PID1: variants seen among roughly 807,000 people sequenced by gnomAD.
The protein encoded by PID1 is PTB-containing, cubilin and LRP1-interacting protein.
A neutral mutation model predicts 19.1 loss-of-function variants in PID1; 10 were observed. That is an observed-to-expected ratio of 0.52 (90% CI 0.32 to 0.89). The LOEUF (loss-of-function observed/expected upper bound fraction) is 0.89, where lower values mean the gene tolerates loss of function less well. Among genes scored for constraint, PID1 ranks in the 40% least tolerant of loss-of-function variants. The probability of loss-of-function intolerance (pLI) is 0.03; values close to 1 mark genes in which losing one functional copy is unlikely to be tolerated. For synonymous variants in PID1, 130 were observed against 116.0 expected (o/e 1.12, Z -0.78); for missense variants, 248 against 285.3 (o/e 0.87, Z 0.94).
At chr2:229,265,337 T>C (rs1690567806) in intron 1 of PID1, among the ~76,000 whole-genome samples, 1 of 152,220 alleles carries the variant, frequency 6.6e-6, no homozygotes, top group South Asian at 2.1e-4. Context: ...TGGAAGAGCA[T>C]GTCAAGATGC....
intron 2 of PID1, among the ~76,000 whole-genome samples, chr2:229,115,792 T>C (rs1224084501): frequency 6.6e-6 from 1 of 152,200 alleles, no homozygotes; most frequent in African/African-American, 2.4e-5. Flanking sequence ...AACTTGGCAA[T>C]ACAGAAACAG....
At chr2:229,075,463 T>C (rs1265033087) in intron 2 of PID1, among the ~76,000 whole-genome samples, 1 of 152,160 alleles carries the variant, frequency 6.6e-6, no homozygotes, top group African/African-American at 2.4e-5. Flanking sequence ...ACTACTTTTA[T>C]AGAAAAAAAC....
At chr2:229,073,315 G>A (rs899517195) in intron 2 of PID1, among the ~76,000 whole-genome samples, 31 of 152,250 alleles carry the variant, frequency 2.0e-4, no homozygotes, top group African/African-American at 6.0e-4. Flanking sequence ...GTGAGCCACC[G>A]CGCCCAGCCA....
chr2:229,263,044 A>G (rs965085613), intron 1 of PID1, among the ~76,000 whole-genome samples: 5 of 152,246 alleles, frequency 3.3e-5, no homozygotes, highest in African/African-American at 1.2e-4. Flanking sequence ...TTTTAGGGGA[A>G]CACAATTCAA....
At chr2:229,259,451 T>C (rs1690400706) in intron 1 of PID1, among the ~76,000 whole-genome samples, 1 of 152,238 alleles carries the variant, frequency 6.6e-6, no homozygotes, top group South Asian at 2.1e-4. Flanking sequence ...CTCTGGGATG[T>C]AATGAATATG....
At chr2:229,204,398 T>C (rs1189071280) in intron 1 of PID1, among the ~76,000 whole-genome samples, 2 of 152,120 alleles carry the variant, frequency 1.3e-5, no homozygotes, top group South Asian at 2.1e-4. Context: ...ACTAAGTTAA[T>C]AGTTTGAAAC....
intron 2 of PID1, among the ~76,000 whole-genome samples, chr2:229,101,465 C>CT (rs1474439481): frequency 1.3e-5 from 2 of 152,230 alleles, no homozygotes; most frequent in African/African-American, 4.8e-5. Context: ...GCACAGCACA[C>CT]TGCCATGCCT....
intron 1 of PID1, among the ~76,000 whole-genome samples, chr2:229,268,718 C>T (rs1274039457): frequency 6.6e-6 from 1 of 152,106 alleles, no homozygotes. Flanking sequence ...GTTTCCTATC[C>T]AGCATGATAT....
intron 1 of PID1, among the ~76,000 whole-genome samples, chr2:229,187,545 G>A (rs1049313032): frequency 2.6e-5 from 4 of 152,046 alleles, no homozygotes; most frequent in Non-Finnish European, 4.4e-5. Context: ...TCACTACCAC[G>A]AGAATAGCAT....
intron 1 of PID1, among the ~76,000 whole-genome samples, chr2:229,183,682 G>T (rs923783245): frequency 2.0e-5 from 3 of 151,892 alleles, no homozygotes; most frequent in African/African-American, 7.3e-5. Context: ...TTTTGAGACC[G>T]CTGGCTTTTG....
In PID1 at chr2:229,063,016, T is replaced by G. The variant is rs1334740586; in HGVS notation, c.178-36908A>C. ...TCATTTATTTGAGTATTCTCTCTTT[T>G]TTCTTAGTCTGGCTAAAGGTTTATT... is the stretch of plus-strand genomic sequence containing the variant. On this transcript the variant is annotated intron_variant, in intron 2 of 2. Coordinates refer to ENST00000392055, the MANE Select transcript of PID1 (RefSeq NM_001100818.2). 2.6e-5 allele frequency among the ~76,000 whole-genome samples: 4 copies of G among 152,218 alleles called. No individual in the cohort carries two copies. In the East Asian group the frequency reaches 7.7e-4, roughly 29 times the overall value.
intron 1 of PID1, among the ~76,000 whole-genome samples, chr2:229,217,201 T>G (rs1001634645): frequency 2.0e-5 from 3 of 152,202 alleles, no homozygotes; most frequent in African/African-American, 7.2e-5. Flanking sequence ...TTCAGACGAT[T>G]CTATCCAGAG....
intron 2 of PID1, among the ~76,000 whole-genome samples, chr2:229,079,833 T>C (rs1273181861): frequency 6.6e-6 from 1 of 152,074 alleles, no homozygotes; most frequent in Non-Finnish European, 1.5e-5. Flanking sequence ...CATTATACTA[T>C]GGGAAAAAGA....
At chr2:229,234,723 T>G (rs558943700) in intron 1 of PID1, among the ~76,000 whole-genome samples, 4 of 152,312 alleles carry the variant, frequency 2.6e-5, no homozygotes, top group African/African-American at 9.6e-5. Context: ...ACTAGAAATA[T>G]ACCCATCTCT....
At chr2:229,223,698 T>C (rs1692019147) in intron 1 of PID1, among the ~76,000 whole-genome samples, 2 of 152,244 alleles carry the variant, frequency 1.3e-5, no homozygotes, top group Non-Finnish European at 1.5e-5. Flanking sequence ...GACAGGATTC[T>C]GCACCTTGGT....
At chr2:229,245,552 A>T (rs774342223) in intron 1 of PID1, among the ~76,000 whole-genome samples, 1 of 152,216 alleles carries the variant, frequency 6.6e-6, no homozygotes, top group Non-Finnish European at 1.5e-5. Flanking sequence ...ACTATTACTT[A>T]GAGTGCAAAT....
chr2:229,054,146 C>T (rs192744352), intron 2 of PID1, among the ~76,000 whole-genome samples: 5 of 152,196 alleles, frequency 3.3e-5, no homozygotes, highest in African/African-American at 1.2e-4. Flanking sequence ...ACAAAGTGAA[C>T]CCCAATAATG....
chr2:229,177,566 T>G (rs1344671221), intron 1 of PID1, among the ~76,000 whole-genome samples: 1 of 152,178 alleles, frequency 6.6e-6, no homozygotes, highest in Admixed American at 6.5e-5. Flanking sequence ...CTTTCATCAC[T>G]CTCATCTCAC....
At chr2:229,187,498 C>T (rs1035055232) in intron 1 of PID1, among the ~76,000 whole-genome samples, 1 of 152,056 alleles carries the variant, frequency 6.6e-6, no homozygotes, top group African/African-American at 2.4e-5. Flanking sequence ...CAGGAAACCC[C>T]CCCCTTATAA....
Sources: gnomAD v4.1 joint callset for allele counts (sites outside exome capture counted in the v4.1 genomes callset) on GRCh38, gnomAD v4.1.1 for gene constraint, MANE v1.5 for transcripts, NCBI Gene and HGNC (gene_info 2026-07-23, HGNC 2026-07-21) for gene names.